ACOX3: variants seen among roughly 807,000 people sequenced by gnomAD.
The protein encoded by ACOX3 is acyl-CoA oxidase 3, pristanoyl.
In ACOX3, 73 loss-of-function variants were observed where a neutral mutation model predicts 81.5. The observed-to-expected ratio is 0.90, with a 90% CI of 0.74 to 1.09. The LOEUF (loss-of-function observed/expected upper bound fraction) is 1.09. ACOX3 is among the 50% of genes least tolerant of loss of function. The pLI, the probability that ACOX3 is intolerant of heterozygous loss-of-function variation, is 0.00. For synonymous variants in ACOX3, 387 were observed against 375.1 expected, an observed-to-expected ratio of 1.03 and a Z score of -0.37; for missense variants, 947 against 928.0, an observed-to-expected ratio of 1.02 and a Z score of -0.27.
At chr4:8,439,120 T>C (rs558057879) in intron 1 of ACOX3, 1 of 152,224 alleles carries the variant, frequency 6.6e-6, no homozygotes, top group African/African-American at 2.4e-5. Flanking sequence ...CTGTATTCAA[T>C]CTTTTTCCCA....
At chr4:8,417,488 GC>G (rs143871055) in intron 1 of ACOX3, among the ~76,000 whole-genome samples, 1 of 152,096 alleles carries the variant, frequency 6.6e-6, no homozygotes, top group Non-Finnish European at 1.5e-5. Flanking sequence ...AAGTACTACT[GC>G]CCCCCATGAA....
At position 8,383,377 on chromosome 4, in the gene ACOX3, A is replaced by G. The variant is rs74541246; in HGVS notation, c.1538-1770T>C. ...CCTTTGTTGGGAAGAGGGTCTTTGA[A>G]GATGTCATGAAGTTGAGGTATTCAG... On this transcript the variant is annotated intron_variant, in intron 13 of 17. Coordinates refer to ENST00000356406, the MANE Select transcript of ACOX3 (RefSeq NM_003501.3). 3.1e-3 allele frequency among the ~76,000 whole-genome samples: 471 copies of G among 152,344 alleles called. 4 individuals are homozygous for G. Among genetic ancestry groups the G allele is most frequent in the African/African-American group, 0.011 (452 of 41,588 alleles).
chr4:8,396,865 G>A, intron 9 of ACOX3, 72 bp downstream of exon 9: 6 of 1,540,156 alleles, frequency 3.9e-6, no homozygotes, highest in Non-Finnish European at 5.3e-6. Flanking sequence ...TAACCAAACG[G>A]CAACTATGTA....
downstream of ACOX3, among the ~76,000 whole-genome samples, chr4:8,362,659 C>T (rs1715258990): frequency 6.6e-6 from 1 of 152,218 alleles, no homozygotes; most frequent in African/African-American, 2.4e-5. Context: ...CTTGTCTTCA[C>T]AGTCCCTGTA....
At chr4:8,438,294 C>A (rs1314025615) in intron 1 of ACOX3, among the ~76,000 whole-genome samples, 1 of 152,142 alleles carries the variant, frequency 6.6e-6, no homozygotes, top group Non-Finnish European at 1.5e-5. Flanking sequence ...CAGGATTTAA[C>A]AAGACTGTTA....
chr4:8,418,151 A>T (rs988729959), intron 1 of ACOX3, among the ~76,000 whole-genome samples: 2 of 152,252 alleles, frequency 1.3e-5, no homozygotes, highest in Non-Finnish European at 2.9e-5. Context: ...AGAAGATAAT[A>T]CTTCCCAACT....
At chr4:8,411,257 G>T (rs1304297448) in intron 5 of ACOX3, among the ~76,000 whole-genome samples, 1 of 152,250 alleles carries the variant, frequency 6.6e-6, no homozygotes, top group Non-Finnish European at 1.5e-5. Flanking sequence ...GCCAGTCACT[G>T]CTAGGGGCTG....
At chr4:8,380,490 A>G (rs1210683301) in intron 14 of ACOX3, among the ~76,000 whole-genome samples, 1 of 152,024 alleles carries the variant, frequency 6.6e-6, no homozygotes, top group Non-Finnish European at 1.5e-5. Context: ...CACCTGGCCC[A>G]ATCTGGGTTT....
chr4:8,428,912 A>C (rs1194166443), intron 1 of ACOX3, among the ~76,000 whole-genome samples: 2 of 152,192 alleles, frequency 1.3e-5, no homozygotes, highest in African/African-American at 4.8e-5. Flanking sequence ...CGGCATGCCC[A>C]AGAGCTTGCT....
intron 14 of ACOX3, among the ~76,000 whole-genome samples, chr4:8,375,913 C>A (rs964011402): frequency 6.6e-6 from 1 of 152,196 alleles, no homozygotes; most frequent in Non-Finnish European, 1.5e-5. Context: ...TCCAGTCCAC[C>A]GCTGATGGGC....
rs1486203295 is a variant in ACOX3, at chr4:8,373,574, G to C, written c.1883C>G (p.Ala628Gly). The C allele has an allele frequency of 8.1e-6, 13 of 1,613,764 alleles. No individual in the cohort carries two copies. Among genetic ancestry groups the C allele is most frequent in the South Asian group, 6.6e-5 (6 of 91,046 alleles). ...CCCACGGCTCACCTGGGAACACAAAGCCAGGACGGCGCTCTCCAACACTTC... is the reference window on the plus strand; with the variant it reads ...CCCACGGCTCACCTGGGAACACAAACCCAGGACGGCGCTCTCCAACACTTC... ...AGEVLESAVL[A>G]LCSQLKDDAV... Residue 628 changes from alanine to glycine, a missense_variant, in exon 16 of 18, where the codon GCT (alanine) becomes GGT (glycine). Physicochemically the swap from Ala to Gly is moderately conservative, Grantham distance 60. Transcript: ENST00000356406.
rs1341521549 is a variant in ACOX3 at position 8,381,964 on chromosome 4, G to A, written c.1538-357C>T. On this transcript the variant is annotated intron_variant, in intron 13 of 17. Coordinates refer to ENST00000356406, the MANE Select transcript of ACOX3 (RefSeq NM_003501.3). This position sits in a 1 kb window ranked among gnomAD's most constrained non-coding sequence, Gnocchi z 4.3. ...GCACCAGGCTCGGTCTGTGTGAAGCGTGGTGCTGCCTCCACAGCATCAGCC... is the reference window on the plus strand; with the variant it reads ...GCACCAGGCTCGGTCTGTGTGAAGCATGGTGCTGCCTCCACAGCATCAGCC... Among the ~76,000 whole-genome samples, 2 of 152,250 alleles carry A rather than the reference G, an allele frequency of 1.3e-5. No individual in the cohort carries two copies. The highest frequency in any genetic ancestry group is 2.9e-5 in the Non-Finnish European group (2 of 68,044).
At position 8,385,196 on chromosome 4, in the gene ACOX3, G is replaced by A. The variant is rs1718161134; in HGVS notation, c.1538-3589C>T. Among the ~76,000 whole-genome samples the A allele has an allele frequency of 6.6e-6, 1 of 152,082 alleles. No individual in the cohort carries two copies. On this transcript the variant is annotated intron_variant, in intron 13 of 17. Coordinates refer to ENST00000356406, the MANE Select transcript of ACOX3 (RefSeq NM_003501.3). The surrounding 1 kb of genome is among the most constrained non-coding windows in gnomAD (Gnocchi z 5.5). ...CAATAGCCTGTGCTCCCACCCTCTGGGAGCACTGTCTGCACCACGAACCCC... is the reference window on the plus strand; with the variant it reads ...CAATAGCCTGTGCTCCCACCCTCTGAGAGCACTGTCTGCACCACGAACCCC...
At chr4:8,410,447 G>C in intron 5 of ACOX3, 92 bp from the exon 6 acceptor site, 8 of 1,493,442 alleles carry the variant, frequency 5.4e-6, no homozygotes, top group African/African-American at 1.4e-5. Flanking sequence ...CATTTTCTAC[G>C]TTCAAAATCT....
At chr4:8,357,632 A>C in the ACOX3 span, 6 of 279,918 alleles carry the variant, frequency 2.1e-5, no homozygotes, top group African/African-American at 1.3e-4. Flanking sequence ...TTTTATTTTC[A>C]AAATGACTAT....
In ACOX3 at chr4:8,406,007, C is replaced by T. The variant is rs1388734147; in HGVS notation, c.724G>A (p.Val242Met). ...TTTTTTCCTATGTCGCCAACCATCA[C>T]TCCAGGCATGGGAAGAAGGGTCTTC... ...DPKTLLPMPGVMVGDIGKKLG... is the reference protein window; with the variant it reads ...DPKTLLPMPGMMVGDIGKKLG... Residue 242 changes from valine (V) to methionine (M), a missense_variant, in exon 7 of 18, where the codon GTG becomes ATG. By Grantham distance (21) the Val-to-Met change is conservative (BLOSUM62 1). Coordinates refer to ENST00000356406, the MANE Select transcript of ACOX3 (RefSeq NM_003501.3). The surrounding 1 kb of genome is among the most constrained non-coding windows in gnomAD (Gnocchi z 5.6). The T allele has an allele frequency of 2.5e-6, 4 of 1,614,196 alleles. No homozygotes were observed. The highest frequency in any genetic ancestry group is 2.5e-6 in the Non-Finnish European group (3 of 1,180,036).
In ACOX3 at chr4:8,375,058, G is replaced by A. The variant is rs1419731929; in HGVS notation, c.1748C>T (p.Ser583Leu). ...GAGCCGCCCCAGCACGGCCCGCAGCGAGGGCGGCACGGAAGGCTGGTGCAC... is the reference window on the plus strand; with the variant it reads ...GAGCCGCCCCAGCACGGCCCGCAGCAAGGGCGGCACGGAAGGCTGGTGCAC... ...EHVHQPSVPP[S>L]LRAVLGRLSA... Residue 583 changes from serine to leucine, a missense_variant, in exon 15 of 18, where the codon TCG becomes TTG. Coordinates refer to ENST00000356406, the MANE Select transcript of ACOX3 (RefSeq NM_003501.3). 11 of 1,554,804 alleles carry A rather than the reference G, an allele frequency of 7.1e-6. No homozygotes were observed. The highest frequency in any genetic ancestry group is 1.2e-5 in the South Asian group (1 of 84,400).
chr4:8,431,339 G>A lies in ACOX3; in HGVS notation c.-15+9309C>T, dbSNP rs570011861. ...CAGACTGTAGTTCTCAGCTTTGACC[G>A]TGGCTTCACCTCGGGGCCACCTTCT... On this transcript the variant is annotated intron_variant, in intron 1 of 17. Transcript: ENST00000356406. This position sits in a 1 kb window ranked among gnomAD's most constrained non-coding sequence, Gnocchi z 5.3. Among the ~76,000 whole-genome samples, 16 of 152,308 alleles carry A rather than the reference G, an allele frequency of 1.1e-4. No homozygotes were observed. The South Asian group carries it at 1.7e-3, about 16-fold the overall frequency.
chr4:8,411,339 G>A (rs1721705589), intron 5 of ACOX3, among the ~76,000 whole-genome samples: 1 of 152,246 alleles, frequency 6.6e-6, no homozygotes, highest in Non-Finnish European at 1.5e-5. Context: ...GCCGGGGAGG[G>A]CTTCCTCCTG....
Sources: allele counts gnomAD v4.1 joint callset (sites outside exome capture counted in the v4.1 genomes callset), GRCh38; gene constraint gnomAD v4.1.1; non-coding constraint Gnocchi (gnomAD v3.1); transcripts MANE v1.5; gene names NCBI Gene and HGNC (gene_info 2026-07-23, HGNC 2026-07-21).